The following ENTPD3 variants were observed in gnomAD, a reference collection of about 807,000 sequenced individuals.
ENTPD3 encodes CD39 antigen-like 3.
Under a neutral mutation model 51.2 loss-of-function variants are expected in ENTPD3, and 60 were observed. The ratio of observed to expected loss-of-function variants is 1.17; its 90% CI spans 0.95 to 1.45. ENTPD3 has a LOEUF of 1.45. ENTPD3 is among the 40% of genes most tolerant of loss of function. The pLI is 0.00. For synonymous variants in ENTPD3, 221 were observed against 238.4 expected (o/e 0.93, Z 0.67); for missense variants, 593 against 641.1 (o/e 0.93, Z 0.81).
At chr3:40,392,234 G>T in intron 3 of ENTPD3, 84 bp downstream of exon 3, 1 of 1,525,824 alleles carries the variant, frequency 6.6e-7, no homozygotes, top group South Asian at 1.2e-5. Flanking sequence ...TGAGTTAGAA[G>T]AGCAGAAAAT....
At chr3:40,422,430 A>G (rs1430074217) in intron 7 of ENTPD3, among the ~76,000 whole-genome samples, 3 of 150,272 alleles carry the variant, frequency 2.0e-5, no homozygotes, top group Non-Finnish European at 3.0e-5. Context: ...ATATGTATAC[A>G]TGTACCATGC....
At chr3:40,426,113 T>TC (rs1474707851) in intron 10 of ENTPD3, among the ~76,000 whole-genome samples, 2 of 143,750 alleles carry the variant, frequency 1.4e-5, no homozygotes, top group Non-Finnish European at 3.1e-5. Flanking sequence ...TTTTCTTTTT[T>TC]TTTTTTTTTT....
intron 10 of ENTPD3, among the ~76,000 whole-genome samples, chr3:40,427,022 T>C (rs1955998596): frequency 6.6e-6 from 1 of 152,158 alleles, no homozygotes; most frequent in Non-Finnish European, 1.5e-5. Context: ...AACTGTGCCG[T>C]CTTCACTCTT....
Position 40,411,803 on chromosome 3 carries a change from G to A in ENTPD3, c.287-9G>A. 6.4e-7 allele frequency: 1 copy of A among 1,568,874 alleles called. No homozygotes were observed. Among genetic ancestry groups the A allele is most frequent in the Non-Finnish European group, 8.6e-7 (1 of 1,157,076 alleles). ...AAATGCTGACAGATGCTGACTGCTT[G>A]CTTTTCAGGCTCTGGAATCTCCAGC... On this transcript the variant is annotated splice_polypyrimidine_tract_variant and intron_variant, in intron 4 of 10. Coordinates refer to ENST00000301825, the MANE Select transcript of ENTPD3 (RefSeq NM_001248.4).
rs764033756 is a variant in ENTPD3 at position 40,400,921 on chromosome 3, T to C, written c.196T>C (p.Ser66Pro). ...KYGIVLDAGSSRTTVYVYQWP... is the reference protein window; with the variant it reads ...KYGIVLDAGSPRTTVYVYQWP... ...TGGTATTGTGCTGGATGCCGGGTCT[T>C]CAAGAACCACAGTCTACGTGTATCA... The change falls in exon 4 of 11, where the codon TCA becomes CCA. Residue 66 changes from serine (S) to proline (P), a missense_variant. By Grantham distance (74) the Ser-to-Pro change is moderately conservative. Coordinates refer to ENST00000301825, the MANE Select transcript of ENTPD3 (RefSeq NM_001248.4). 2.5e-6 allele frequency: 4 copies of C among 1,613,762 alleles called. No homozygotes were observed. The South Asian group carries it at 3.3e-5, about 13-fold the overall frequency.
chr3:40,394,931 T>C (rs1409902229), intron 3 of ENTPD3, among the ~76,000 whole-genome samples: 1 of 152,182 alleles, frequency 6.6e-6, no homozygotes, highest in Non-Finnish European at 1.5e-5. Context: ...CGAATGTGTT[T>C]ACCCAGAGCC....
chr3:40,412,223 A>T (rs769199842), intron 5 of ENTPD3, among the ~76,000 whole-genome samples: 11 of 152,212 alleles, frequency 7.2e-5, no homozygotes, highest in Non-Finnish European at 1.0e-4. Flanking sequence ...GGTCATATGA[A>T]ATCTGCTCAT....
chr3:40,396,299 C>CT (rs1488515389), intron 3 of ENTPD3, among the ~76,000 whole-genome samples: 3 of 152,072 alleles, frequency 2.0e-5, no homozygotes, highest in Non-Finnish European at 4.4e-5. Flanking sequence ...AGAGATCTCT[C>CT]TTTTTTTGTT....
intron 2 of ENTPD3, among the ~76,000 whole-genome samples, chr3:40,388,585 GACACACACAC>G (rs55657804): frequency 0.015 from 1,940 of 126,276 alleles, 30 homozygotes; most frequent in South Asian, 0.036. Context: ...CACACACACA[GACACACACAC>G]ACACACACAC....
At chr3:40,412,190 C>T (rs556074531) in intron 5 of ENTPD3, among the ~76,000 whole-genome samples, 2 of 152,280 alleles carry the variant, frequency 1.3e-5, no homozygotes, top group South Asian at 4.1e-4. Flanking sequence ...GGTGATTTTA[C>T]TGAGAACTTT....
chr3:40,408,879 A>G (rs1031890238), intron 4 of ENTPD3, among the ~76,000 whole-genome samples: 4 of 152,114 alleles, frequency 2.6e-5, no homozygotes, highest in Non-Finnish European at 5.9e-5. Flanking sequence ...TTAAAAGTAG[A>G]AAAGGAAGTA....
At chr3:40,390,343 G>A (rs967972311) in intron 2 of ENTPD3, among the ~76,000 whole-genome samples, 14 of 152,104 alleles carry the variant, frequency 9.2e-5, no homozygotes, top group African/African-American at 3.4e-4. Context: ...GGCTACAGGT[G>A]TGCACCACAT....
chr3:40,388,174 C>A, intron 2 of ENTPD3, 77 bp downstream of exon 2: 1 of 1,306,218 alleles, frequency 7.7e-7, no homozygotes, highest in Non-Finnish European at 1.1e-6. Context: ...TACAGTTTTT[C>A]ATCCATATCC....
At position 40,415,046 on chromosome 3, in the gene ENTPD3, G is replaced by A. The variant is rs1955714985; in HGVS notation, c.597+206G>A. Among the ~76,000 whole-genome samples, 5 of 152,140 alleles carry A rather than the reference G, an allele frequency of 3.3e-5. No individual in the cohort carries two copies. In the South Asian group the frequency reaches 1.0e-3, roughly 32 times the overall value. On this transcript the variant is annotated intron_variant, in intron 6 of 10. Transcript: ENST00000301825. ...AACATGGTCATAAACAGGACTAAAT[G>A]CTAGGGAGGGAGGGAATCTTGTCAC... is the stretch of plus-strand genomic sequence containing the variant.
intron 2 of ENTPD3, chr3:40,391,779 T>G: frequency 1.9e-6 from 1 of 536,364 alleles, no homozygotes; most frequent in South Asian, 2.6e-5. Context: ...ATGCATACCC[T>G]CCCTGCAACA....
chr3:40,418,871 TGA>T (rs1955801958), intron 7 of ENTPD3, among the ~76,000 whole-genome samples: 1 of 152,144 alleles, frequency 6.6e-6, no homozygotes, highest in Non-Finnish European at 1.5e-5. Flanking sequence ...CGATTTTTTA[TGA>T]GAGCATAATA....
chr3:40,424,864 G>A, intron 10 of ENTPD3: 1 of 688,008 alleles, frequency 1.5e-6, no homozygotes, highest in East Asian at 2.7e-5. Flanking sequence ...CCTGCATTAG[G>A]CCTCTGACTA....
Position 40,427,272 on chromosome 3 carries a change from G to A in ENTPD3, c.1354G>A (p.Val452Met), listed in dbSNP as rs1445282636. 17 of 1,613,304 alleles carry A rather than the reference G, an allele frequency of 1.1e-5. No homozygotes were observed. Among genetic ancestry groups the A allele is most frequent in the Admixed American group, 1.7e-5 (1 of 59,996 alleles). Residue 452 changes from valine (V) to methionine (M), a missense_variant and splice_region_variant, in exon 11 of 11, where the codon GTG becomes ATG. Physicochemically the swap from Val to Met is conservative, Grantham distance 21 (BLOSUM62 1). Coordinates refer to ENST00000301825, the MANE Select transcript of ENTPD3 (RefSeq NM_001248.4). ...TWPQIHFEKE[V>M]GNSSIAWSLG... ...CTGAGCCATCTCCTCTACTCCACAG[G>A]TGGGGAATAGCAGCATAGCCTGGTC...
At chr3:40,388,414 T>C (rs970315539) in intron 2 of ENTPD3, among the ~76,000 whole-genome samples, 2 of 152,196 alleles carry the variant, frequency 1.3e-5, no homozygotes, top group African/African-American at 2.4e-5. Flanking sequence ...TACTGTATTG[T>C]TGATTTTGTG....
Sources: gnomAD v4.1 joint callset for allele counts (sites outside exome capture counted in the v4.1 genomes callset) on GRCh38, gnomAD v4.1.1 for gene constraint, MANE v1.5 for transcripts, NCBI Gene and HGNC (gene_info 2026-07-23, HGNC 2026-07-21) for gene names.